RBFOX1: variants seen among roughly 807,000 people sequenced by gnomAD.
RBFOX1 encodes the protein RNA binding protein fox-1 homolog 1.
A neutral mutation model predicts 57.7 loss-of-function variants in RBFOX1; 8 were observed. That is an observed-to-expected ratio of 0.14 (90% confidence interval 0.08 to 0.25). The LOEUF is 0.25. Among genes scored for constraint, RBFOX1 ranks in the 10% least tolerant of loss-of-function variants. The pLI is 1.00. For synonymous variants in RBFOX1, 326 were observed against 222.4 expected (o/e 1.47, Z -4.15); for missense variants, 611 against 548.5 (o/e 1.11, Z -1.14).
At chr16:6,287,453 T>A (rs1280697705) in intron 1 of RBFOX1, among the ~76,000 whole-genome samples, 1 of 152,152 alleles carries the variant, frequency 6.6e-6, no homozygotes, top group Non-Finnish European at 1.5e-5. Context: ...TTTGAGGACA[T>A]GTCATGTGTC....
chr16:7,355,109 C>T (rs2097192382), intron 4 of RBFOX1, among the ~76,000 whole-genome samples: 1 of 152,180 alleles, frequency 6.6e-6, no homozygotes, highest in African/African-American at 2.4e-5. Context: ...ACCGCTATCA[C>T]CCAAGCTTTG....
chr16:7,579,987 A>G lies in RBFOX1; in HGVS notation c.414+67A>G, dbSNP rs1031508857. 5.8e-6 allele frequency: 9 copies of G among 1,540,774 alleles called. No homozygotes were observed. The African/African-American group carries it at 9.6e-5, about 16-fold the overall frequency. ...TTCCAGAGACCTCCCTGTCTCATGT[A>G]AGTTTGGGGTATTTACAATACTAAG... On this transcript the variant is annotated intron_variant, in intron 6 of 15. Transcript: ENST00000550418.
chr16:5,945,552 A>G (rs1681766365), intron 4 of RBFOX1, among the ~76,000 whole-genome samples: 2 of 152,198 alleles, frequency 1.3e-5, no homozygotes, highest in South Asian at 4.1e-4. Flanking sequence ...TGAAACGGAT[A>G]TTGTTATGAT....
intron 4 of RBFOX1, among the ~76,000 whole-genome samples, chr16:7,461,953 C>T (rs1180143301): frequency 2.0e-5 from 3 of 152,186 alleles, no homozygotes; most frequent in South Asian, 4.1e-4. Flanking sequence ...AATTTTTCAG[C>T]CTCCTGTGAG....
At chr16:6,874,274 C>G (rs913327591) in intron 3 of RBFOX1, among the ~76,000 whole-genome samples, 6 of 152,028 alleles carry the variant, frequency 3.9e-5, no homozygotes, top group African/African-American at 1.4e-4. Flanking sequence ...CTTCGGGAGG[C>G]TGAGGCAGGT....
chr16:6,617,075 A>G (rs2098153210), intron 2 of RBFOX1, among the ~76,000 whole-genome samples: 1 of 151,888 alleles, frequency 6.6e-6, no homozygotes, highest in Non-Finnish European at 1.5e-5. Context: ...CAGGGTACTT[A>G]AGAACGTAGA....
At position 6,387,744 on chromosome 16, in the gene RBFOX1, A is replaced by C. The variant is rs908286349; in HGVS notation, c.-64+70687A>C. Among the ~76,000 whole-genome samples, 5 of 152,094 alleles carry C rather than the reference A, an allele frequency of 3.3e-5. No homozygotes were observed. In the East Asian group the frequency reaches 9.7e-4, roughly 30 times the overall value. On this transcript the variant is annotated intron_variant, in intron 2 of 15. Transcript: ENST00000550418. ...TGGGCACCTGTCAATTCTGCAGCCCAGAATCCATGCCCCTACTTCTCTAAG... is the reference window on the plus strand; with the variant it reads ...TGGGCACCTGTCAATTCTGCAGCCCCGAATCCATGCCCCTACTTCTCTAAG...
In RBFOX1 at chr16:7,260,908, C is replaced by T. The variant is rs530740853; in HGVS notation, c.27+208810C>T. Among the ~76,000 whole-genome samples the T allele has an allele frequency of 2.0e-5, 3 of 152,284 alleles. No individual in the cohort carries two copies. The South Asian group carries it at 6.2e-4, about 32-fold the overall frequency. On this transcript the variant is annotated intron_variant, in intron 4 of 15. Transcript: ENST00000550418. ...TTCTGATGCAGTCACTGGGGTTGGA[C>T]CCATCATTACGGTGAATGCTAGGCT...
intron 3 of RBFOX1, among the ~76,000 whole-genome samples, chr16:6,743,088 C>G (rs905309080): frequency 6.6e-6 from 1 of 152,080 alleles, no homozygotes; most frequent in African/African-American, 2.4e-5. Context: ...TTACAACTGT[C>G]TGTGTATTTG....
At chr16:6,315,416 A>AGGTGAGGGATGGGT (rs2080958200) in intron 1 of RBFOX1, among the ~76,000 whole-genome samples, 1 of 127,426 alleles carries the variant, frequency 7.8e-6, no homozygotes, top group African/African-American at 3.0e-5. Context: ...ATGGGTGGAT[A>AGGTGAGGGATGGGT]GGTGAGGGAT....
At chr16:6,702,037 C>A (rs2061932583) in intron 3 of RBFOX1, among the ~76,000 whole-genome samples, 1 of 152,032 alleles carries the variant, frequency 6.6e-6, no homozygotes, top group Non-Finnish European at 1.5e-5. Context: ...TACACCATAC[C>A]CTTGCAACAT....
At chr16:6,145,954 C>G (rs551841797) in intron 1 of RBFOX1, among the ~76,000 whole-genome samples, 1 of 152,176 alleles carries the variant, frequency 6.6e-6, no homozygotes, top group Non-Finnish European at 1.5e-5. Flanking sequence ...CAGCTCTATA[C>G]TCTCCCAGGA....
chr16:5,858,620 C>G lies in RBFOX1; in HGVS notation c.319-8683C>G, dbSNP rs75993215. Among the ~76,000 whole-genome samples, 302 of 152,314 alleles carry G rather than the reference C, an allele frequency of 2.0e-3. 2 individuals are homozygous for G. Among genetic ancestry groups the G allele is most frequent in the African/African-American group, 6.0e-3 (251 of 41,580 alleles). On this transcript the variant is annotated intron_variant, in intron 3 of 19. Coordinates refer to the RBFOX1 transcript ENST00000641259. Reference sequence around the variant, plus strand: ...TTAGGTTACAAGCTGCCAGAATTTTCAAGCAAGTGCATGTAAATATTTCAT... The same window carrying G: ...TTAGGTTACAAGCTGCCAGAATTTTGAAGCAAGTGCATGTAAATATTTCAT...
In RBFOX1 at chr16:6,812,104, C is replaced by G. The variant is rs74007090; in HGVS notation, c.-16+157454C>G. ...ATCAGACTCCATATGATGAAGAAGC[C>G]TTCACGAGAAACTCACTACCAAAGC... On this transcript the variant is annotated intron_variant, in intron 3 of 15. Transcript: ENST00000550418. 4.9e-3 allele frequency among the ~76,000 whole-genome samples: 753 copies of G among 152,176 alleles called. 7 individuals carry two copies. Among genetic ancestry groups the G allele is most frequent in the African/African-American group, 0.017 (706 of 41,522 alleles).
chr16:6,104,683 C>G (rs1238781647), intron 1 of RBFOX1, among the ~76,000 whole-genome samples: 1 of 152,076 alleles, frequency 6.6e-6, no homozygotes, highest in African/African-American at 2.4e-5. Context: ...GGTGAGTCAA[C>G]AAAACTTGCT....
intron 3 of RBFOX1, among the ~76,000 whole-genome samples, chr16:5,813,006 C>A (rs1013224265): frequency 8.1e-5 from 12 of 147,740 alleles, no homozygotes; most frequent in Non-Finnish European, 3.0e-5. Context: ...TCCCTTTAAC[C>A]ACTTTTTTTT....
chr16:6,444,988 A>G (rs974877109), intron 2 of RBFOX1, among the ~76,000 whole-genome samples: 1 of 152,104 alleles, frequency 6.6e-6, no homozygotes, highest in African/African-American at 2.4e-5. Flanking sequence ...GGAGGGTGGC[A>G]GAAGTCAGGA....
chr16:7,343,226 G>A (rs2096931338), intron 4 of RBFOX1, among the ~76,000 whole-genome samples: 2 of 152,178 alleles, frequency 1.3e-5, no homozygotes, highest in South Asian at 4.1e-4. Flanking sequence ...GTGAGTGCCA[G>A]CCGTCACTGG....
At chr16:5,664,415 G>T (rs1014987008) in intron 3 of RBFOX1, among the ~76,000 whole-genome samples, 1 of 152,164 alleles carries the variant, frequency 6.6e-6, no homozygotes, top group African/African-American at 2.4e-5. Flanking sequence ...GGGCACGGTG[G>T]TGTGTGCCTG....
Sources: gnomAD v4.1 joint callset for allele counts (sites outside exome capture counted in the v4.1 genomes callset) on GRCh38, gnomAD v4.1.1 for gene constraint, MANE v1.5 for transcripts, NCBI Gene and HGNC (gene_info 2026-07-23, HGNC 2026-07-21) for gene names.